The following ZFHX3 variants were observed in gnomAD, a reference collection of about 807,000 sequenced individuals.
The protein encoded by ZFHX3 is zinc finger homeobox 3, also known as zinc finger homeobox protein 3.
Under a neutral mutation model 279.1 loss-of-function variants are expected in ZFHX3, and 42 were observed. That is an observed-to-expected ratio of 0.15 (90% confidence interval 0.12 to 0.19). The LOEUF (loss-of-function observed/expected upper bound fraction) is 0.19, where lower values mean the gene tolerates loss of function less well. ZFHX3 is among the 10% of genes least tolerant of loss of function. The probability of loss-of-function intolerance (pLI) is 1.00; values close to 1 mark genes in which losing one functional copy is unlikely to be tolerated. For missense variants in ZFHX3, 4,981 were observed against 4,754.0 expected, an observed-to-expected ratio of 1.05 and a Z score of -1.40; for synonymous variants, 2,293 against 1,957.8, an observed-to-expected ratio of 1.17 and a Z score of -4.52.
At chr16:73,149,208 T>C (rs1445404159) in intron 5 of ZFHX3, among the ~76,000 whole-genome samples, 1 of 147,874 alleles carries the variant, frequency 6.8e-6, no homozygotes, top group Non-Finnish European at 1.5e-5. Flanking sequence ...TTATATTTTA[T>C]CCTATTAATT....
At chr16:73,002,565 T>C (rs1963537089) in intron 1 of ZFHX3, among the ~76,000 whole-genome samples, 2 of 152,162 alleles carry the variant, frequency 1.3e-5, no homozygotes, top group Non-Finnish European at 2.9e-5. Flanking sequence ...ACAGCTAACT[T>C]GGGCAAAGGT....
chr16:73,747,701 T>A (rs1597093172), intron 1 of ZFHX3, among the ~76,000 whole-genome samples: 1 of 152,046 alleles, frequency 6.6e-6, no homozygotes, highest in Non-Finnish European at 1.5e-5. Flanking sequence ...TGTAGATATA[T>A]ACTTATTGTA....
At chr16:73,280,248 A>T (rs2014423339) in intron 4 of ZFHX3, among the ~76,000 whole-genome samples, 1 of 152,238 alleles carries the variant, frequency 6.6e-6, no homozygotes, top group South Asian at 2.1e-4. Context: ...AAAATAAACA[A>T]GTGGGACTCT....
At chr16:73,669,838 G>A (rs1386087774) in intron 2 of ZFHX3, among the ~76,000 whole-genome samples, 1 of 152,106 alleles carries the variant, frequency 6.6e-6, no homozygotes, top group Non-Finnish European at 1.5e-5. Context: ...CAGCTTTGCT[G>A]GGGTATTTTT....
chr16:72,968,897 AGTGT>A (rs936285530), intron 1 of ZFHX3, among the ~76,000 whole-genome samples: 6 of 152,154 alleles, frequency 3.9e-5, no homozygotes, highest in Non-Finnish European at 5.9e-5. Flanking sequence ...AAAATATGTG[AGTGT>A]GTAAGTGTGT....
chr16:73,820,175 T>C (rs1262706704), intron 1 of ZFHX3, among the ~76,000 whole-genome samples: 1 of 152,114 alleles, frequency 6.6e-6, no homozygotes, highest in African/African-American at 2.4e-5. Flanking sequence ...CTGCAAGCTC[T>C]GCCTCCTGGG....
At chr16:73,572,358 G>C (rs1245525538) in intron 2 of ZFHX3, among the ~76,000 whole-genome samples, 1 of 152,084 alleles carries the variant, frequency 6.6e-6, no homozygotes, top group Non-Finnish European at 1.5e-5. Flanking sequence ...TCCCCGGCCT[G>C]GCCATCTGCC....
chr16:73,631,705 G>C (rs542280225), intron 2 of ZFHX3, among the ~76,000 whole-genome samples: 15 of 152,242 alleles, frequency 9.9e-5, no homozygotes, highest in Non-Finnish European at 1.5e-4. Flanking sequence ...AGGAGTTTGA[G>C]ACCAGCCTGG....
At chr16:73,781,997 T>C (rs1469487256) in intron 1 of ZFHX3, among the ~76,000 whole-genome samples, 2 of 151,712 alleles carry the variant, frequency 1.3e-5, no homozygotes, top group Non-Finnish European at 2.9e-5. Flanking sequence ...AAAAATAAAA[T>C]AAAATAAAAT....
At chr16:73,475,841 C>A (rs1236038312) in intron 2 of ZFHX3, among the ~76,000 whole-genome samples, 1 of 152,046 alleles carries the variant, frequency 6.6e-6, no homozygotes, top group Non-Finnish European at 1.5e-5. Flanking sequence ...ACCTCCCAAG[C>A]ACTTTGGCAG....
At chr16:73,885,682 T>G (rs1253930373) in intron 1 of ZFHX3, among the ~76,000 whole-genome samples, 2 of 152,146 alleles carry the variant, frequency 1.3e-5, no homozygotes, top group Admixed American at 6.6e-5. Context: ...GTAAAGTAGA[T>G]TGTATTTTAT....
Position 72,960,014 on chromosome 16 carries a change from G to T in ZFHX3, c.132C>A (p.Gly44=), listed in dbSNP as rs201786933. The change falls in exon 2 of 10, where the codon GGC becomes GGA. Residue 44 remains glycine, a synonymous_variant. Coordinates refer to ENST00000268489, the MANE Select transcript of ZFHX3 (RefSeq NM_006885.4). The stretch of plus-strand genomic sequence containing the variant: ...GGCTGTCCAAGGGCCCGTGGCTCTC[G>T]CCTGTGGACTGCTCCATGCTACTGG... ...DKPSSMEQST[G]ESHGPLDSLR... 1.3e-5 allele frequency: 21 copies of T among 1,613,856 alleles called. No homozygotes were observed. The South Asian group carries it at 2.2e-4, about 17-fold the overall frequency.
chr16:73,547,416 A>G (rs1468397557), intron 2 of ZFHX3, among the ~76,000 whole-genome samples: 1 of 152,230 alleles, frequency 6.6e-6, no homozygotes. Flanking sequence ...GAATTTCTTT[A>G]TCTCAGCCTC....
At chr16:73,481,417 C>T (rs2018863711) in intron 2 of ZFHX3, among the ~76,000 whole-genome samples, 1 of 151,676 alleles carries the variant, frequency 6.6e-6, no homozygotes, top group African/African-American at 2.4e-5. Context: ...CTCCCCTTAC[C>T]AAATTTTAGT....
chr16:73,347,987 C>T (rs2016153167), intron 3 of ZFHX3, among the ~76,000 whole-genome samples: 1 of 152,166 alleles, frequency 6.6e-6, no homozygotes, highest in African/African-American at 2.4e-5. Flanking sequence ...GAATATCAAG[C>T]TTGTTCCTTA....
At chr16:72,872,707 C>A (rs930981263) in intron 4 of ZFHX3, among the ~76,000 whole-genome samples, 3 of 152,218 alleles carry the variant, frequency 2.0e-5, no homozygotes, top group African/African-American at 7.2e-5. Context: ...GATCCACCCG[C>A]CTCGGCCTCA....
At chr16:73,252,783 G>A (rs2013549110) in intron 5 of ZFHX3, among the ~76,000 whole-genome samples, 1 of 152,166 alleles carries the variant, frequency 6.6e-6, no homozygotes, top group Admixed American at 6.5e-5. Context: ...TCTAGCAGAG[G>A]ATAAAGGAGC....
chr16:73,217,328 C>A lies in ZFHX3; in HGVS notation c.-1104+39719G>T, dbSNP rs762920315. ...AACACCTGGAGAAGTGGAACATGAC[C>A]GTCCGATTTGAGTTCAGACACCTTC... is the stretch of plus-strand genomic sequence containing the variant. On this transcript the variant is annotated intron_variant, in intron 5 of 17. Transcript: ENST00000641206. Among the ~76,000 whole-genome samples, 4 of 152,154 alleles carry A rather than the reference C, an allele frequency of 2.6e-5. No individual in the cohort carries two copies. In the East Asian group the frequency reaches 5.8e-4, roughly 22 times the overall value.
At chr16:73,817,864 G>T (rs1188787769) in intron 1 of ZFHX3, among the ~76,000 whole-genome samples, 2 of 152,194 alleles carry the variant, frequency 1.3e-5, no homozygotes, top group African/African-American at 4.8e-5. Context: ...GTGGAGCCCA[G>T]CACCTATTTA....
Sources: allele counts gnomAD v4.1 joint callset (sites outside exome capture counted in the v4.1 genomes callset), GRCh38; gene constraint gnomAD v4.1.1; transcripts MANE v1.5; gene names NCBI Gene and HGNC (gene_info 2026-07-23, HGNC 2026-07-21).